The following PGLYRP4 variants were observed in gnomAD, a reference collection of about 807,000 sequenced individuals.
The protein encoded by PGLYRP4 is PGRP-I-beta.
A neutral mutation model predicts 41.2 loss-of-function variants in PGLYRP4; 39 were observed. That is an observed-to-expected ratio of 0.95 (90% CI 0.73 to 1.24). The LOEUF is 1.24. PGLYRP4 is among the 50% of genes most tolerant of loss of function. The pLI is 0.00. For synonymous variants in PGLYRP4, 202 were observed against 186.8 expected (o/e 1.08, Z -0.66); for missense variants, 467 against 460.7 (o/e 1.01, Z -0.13).
rs1387774454 is a variant in PGLYRP4 at position 153,330,350 on chromosome 1, G to A, written c.*417C>T. 1 of 159,194 alleles carries A rather than the reference G, an allele frequency of 6.3e-6. No homozygotes were observed. Among genetic ancestry groups the A allele is most frequent in the Non-Finnish European group, 1.4e-5 (1 of 71,862 alleles). 9.9% of individuals were successfully genotyped at this position (159,194 alleles called of 1,614,324 possible). ...ACAAGTTTATGTGTAAGCAAGGAAG[G>A]TTGGTCACGTTGACCTGAGTTATGG... On this transcript the variant is annotated 3_prime_UTR_variant, in exon 9 of 9. Coordinates refer to ENST00000359650, the MANE Select transcript of PGLYRP4 (RefSeq NM_020393.4).
In PGLYRP4 at chr1:153,340,499, C is replaced by T. The variant is rs976223316; in HGVS notation, c.706G>A (p.Gly236Ser). ...CPRMTLPAKY[G>S]IIIHTAGRTC... The stretch of plus-strand genomic sequence containing the variant: ...CTCCCGGCAGTGTGGATAATGATGC[C>T]ATACTTCGCTGGGAGAGTCATCCTG... The change falls in exon 7 of 9, where the codon GGC (glycine) becomes AGC (serine). Residue 236 changes from glycine to serine, a missense_variant. Coordinates refer to ENST00000359650, the MANE Select transcript of PGLYRP4 (RefSeq NM_020393.4). 11 of 1,614,032 alleles carry T rather than the reference C, an allele frequency of 6.8e-6. No individual in the cohort carries two copies. Among genetic ancestry groups the T allele is most frequent in the Middle Eastern group, 1.6e-4 (1 of 6,084 alleles).
chr1:153,334,579 C>CT (rs1375371413), intron 8 of PGLYRP4, among the ~76,000 whole-genome samples: 2 of 150,638 alleles, frequency 1.3e-5, no homozygotes, highest in African/African-American at 2.4e-5. Context: ...AGAAGACATC[C>CT]CATGCTCATG....
chr1:153,336,050 G>A (rs984348730), intron 8 of PGLYRP4, among the ~76,000 whole-genome samples: 387 of 5,328 alleles, frequency 0.073, 5 homozygotes, highest in African/African-American at 0.16. Context: ...GCGTGCGTGT[G>A]TGTGTGTGTG....
chr1:153,343,828 A>C (rs1557830350), intron 4 of PGLYRP4, among the ~76,000 whole-genome samples: 1 of 152,216 alleles, frequency 6.6e-6, no homozygotes, highest in Non-Finnish European at 1.5e-5. Context: ...CAGAAAGAGC[A>C]GACAGTAAAA....
At chr1:153,338,148 G>GA (rs1660643766) in intron 7 of PGLYRP4, among the ~76,000 whole-genome samples, 1 of 152,174 alleles carries the variant, frequency 6.6e-6, no homozygotes, top group Non-Finnish European at 1.5e-5. Context: ...CCATCTTGGT[G>GA]AAAGGCATGG....
At chr1:153,344,922 G>T in intron 4 of PGLYRP4, 1 of 478,064 alleles carries the variant, frequency 2.1e-6, no homozygotes. Flanking sequence ...GCCAGGGTTG[G>T]GGGAGGGTAG....
At chr1:153,343,918 T>C (rs1001297173) in intron 4 of PGLYRP4, among the ~76,000 whole-genome samples, 1 of 152,174 alleles carries the variant, frequency 6.6e-6, no homozygotes, top group Non-Finnish European at 1.5e-5. Context: ...CCTCATACAA[T>C]TGGCCCCAGT....
In PGLYRP4 at chr1:153,345,218, G is replaced by T. The variant is rs771072051; in HGVS notation, c.304C>A (p.Leu102Met). ...TTGTTGTGGACATGATGGGCCTGCAGTTCCCGCAGTCTCTGGCTGCAGACT... is the reference window on the plus strand; with the variant it reads ...TTGTTGTGGACATGATGGGCCTGCATTTCCCGCAGTCTCTGGCTGCAGACT... ...QTVCSQRLRE[L>M]QAHHVHNNSG... Residue 102 changes from leucine (L) to methionine (M), a missense_variant, in exon 4 of 9, where the codon CTG (leucine) becomes ATG (methionine). By Grantham distance (15) the Leu-to-Met change is conservative. Coordinates refer to ENST00000359650, the MANE Select transcript of PGLYRP4 (RefSeq NM_020393.4). The T allele has an allele frequency of 6.8e-6, 11 of 1,613,862 alleles. No homozygotes were observed. The African/African-American group carries it at 1.3e-4, about 20-fold the overall frequency.
At chr1:153,338,590 A>G (rs1388965658) in intron 7 of PGLYRP4, among the ~76,000 whole-genome samples, 4 of 152,164 alleles carry the variant, frequency 2.6e-5, no homozygotes, top group Admixed American at 2.6e-4. Context: ...CCCCAGCATC[A>G]GCTCTACCAC....
At chr1:153,336,224 AG>A (rs1660553103) in intron 8 of PGLYRP4, among the ~76,000 whole-genome samples, 1 of 151,956 alleles carries the variant, frequency 6.6e-6, no homozygotes, top group South Asian at 2.1e-4. Context: ...TGCAAAAATT[AG>A]CCAGGTGTGG....
In PGLYRP4 at chr1:153,343,184, C is replaced by T; in HGVS notation, c.378G>A (p.Arg126=). ...AYNFLVGDDG[R]VYEGVGWNIQ... ...TATTCCAGCCAACACCTTCATACACCCTGCCATCATCCCCAACCAGGAAGC... is the reference window on the plus strand; with the variant it reads ...TATTCCAGCCAACACCTTCATACACTCTGCCATCATCCCCAACCAGGAAGC... The change falls in exon 5 of 9, where the codon AGG becomes AGA. Residue 126 remains arginine (R), a synonymous_variant. Coordinates refer to ENST00000359650, the MANE Select transcript of PGLYRP4 (RefSeq NM_020393.4). 1 of 1,613,394 alleles carries T rather than the reference C, an allele frequency of 6.2e-7. No homozygotes were observed. The highest frequency in any genetic ancestry group is 8.5e-7 in the Non-Finnish European group (1 of 1,179,360).
chr1:153,340,661 T>G, intron 6 of PGLYRP4, 82 bp from the exon 7 acceptor site: 1 of 1,389,848 alleles, frequency 7.2e-7, no homozygotes, highest in Non-Finnish European at 9.9e-7. Flanking sequence ...GATATAATGC[T>G]CAGGACCCTC....
chr1:153,334,622 T>C (rs1201158818), intron 8 of PGLYRP4, among the ~76,000 whole-genome samples: 1 of 151,720 alleles, frequency 6.6e-6, no homozygotes, highest in Non-Finnish European at 1.5e-5. Flanking sequence ...AAAGTGACCA[T>C]ACTGCCTAAA....
At chr1:153,337,547 G>A (rs961691506) in intron 7 of PGLYRP4, among the ~76,000 whole-genome samples, 3 of 152,160 alleles carry the variant, frequency 2.0e-5, no homozygotes, top group Non-Finnish European at 2.9e-5. Flanking sequence ...TTTCTGTGGT[G>A]TAAACCTCTC....
chr1:153,336,866 G>A (rs898014028), intron 8 of PGLYRP4, among the ~76,000 whole-genome samples: 2 of 152,214 alleles, frequency 1.3e-5, no homozygotes, highest in African/African-American at 4.8e-5. Context: ...TGGTAACCAA[G>A]AGAAGATGCA....
intron 4 of PGLYRP4, among the ~76,000 whole-genome samples, chr1:153,343,411 C>G (rs1479450934): frequency 6.6e-6 from 1 of 152,198 alleles, no homozygotes; most frequent in Non-Finnish European, 1.5e-5. Flanking sequence ...CTCACACTCC[C>G]TACCCCCTTC....
chr1:153,331,105 TAGTGCCAA>T (rs1419948648), intron 8 of PGLYRP4, among the ~76,000 whole-genome samples, 160 bp from the exon 9 acceptor site: 1 of 152,178 alleles, frequency 6.6e-6, no homozygotes, highest in Non-Finnish European at 1.5e-5. Flanking sequence ...TCAGATTTCT[TAGTGCCAA>T]AGTTTTCCTG....
chr1:153,346,066 G>T, intron 3 of PGLYRP4, 36 bp downstream of exon 3: 1 of 1,478,754 alleles, frequency 6.8e-7, no homozygotes, highest in Non-Finnish European at 9.5e-7. Flanking sequence ...ACCCCAGCTC[G>T]TCCCAAAACC....
rs569630027 is a variant in PGLYRP4 at position 153,343,432 on chromosome 1, G to A, written c.354-224C>T. Among the ~76,000 whole-genome samples the A allele has an allele frequency of 2.2e-4, 34 of 152,298 alleles. 1 individual carries two copies. The South Asian group carries it at 7.0e-3, about 32-fold the overall frequency. On this transcript the variant is annotated intron_variant, in intron 4 of 8. Coordinates refer to ENST00000359650, the MANE Select transcript of PGLYRP4 (RefSeq NM_020393.4). ...CTCCCTACCCCCTTCCCTTTTCAGA[G>A]GCTGCAGTTTTACCATAAATCATTC... is the stretch of plus-strand genomic sequence containing the variant.
Sources: gnomAD v4.1 joint callset for allele counts (sites outside exome capture counted in the v4.1 genomes callset) on GRCh38, gnomAD v4.1.1 for gene constraint, MANE v1.5 for transcripts, NCBI Gene and HGNC (gene_info 2026-07-23, HGNC 2026-07-21) for gene names.